Variants in ENKUR observed in about 807,000 individuals in gnomAD.
ENKUR encodes enkurin.
ENKUR carries 19 observed loss-of-function variants against 27.6 expected under a neutral mutation model. The observed-to-expected ratio is 0.69, with a 90% CI of 0.48 to 1.01. ENKUR has a LOEUF of 1.01. Ranked by LOEUF, ENKUR falls within the 50% of genes least tolerant of loss-of-function variation. The pLI is 0.00. For synonymous variants in ENKUR, 117 were observed against 96.9 expected (o/e 1.21, Z -1.22); for missense variants, 312 against 310.5 (o/e 1.00, Z -0.04).
In ENKUR at chr10:25,023,464, T is replaced by G. The variant is rs555284370; in HGVS notation, c.38-27595A>C. On this transcript the variant is annotated intron_variant, in intron 2 of 5. Coordinates refer to the ENKUR transcript ENST00000615958. ...CAGAATAATAGGTCAGAAACTAGGT[T>G]GTTGTGTCATAGATGTGGATGATGA... 1.5e-4 allele frequency: 237 copies of G among 1,614,136 alleles called. 2 individuals are homozygous for G. The Middle Eastern group carries it at 2.8e-3, about 19-fold the overall frequency.
At position 24,982,566 on chromosome 10, in the gene ENKUR, C is replaced by T. The variant is rs534611491; in HGVS notation, c.*1804G>A. 6.6e-6 allele frequency: 1 copy of T among 152,280 alleles called. No homozygotes were observed. The highest frequency in any genetic ancestry group is 2.4e-5 in the African/African-American group (1 of 41,556). 9.4% of individuals were successfully genotyped at this position (152,280 alleles called of 1,614,324 possible). On this transcript the variant is annotated 3_prime_UTR_variant, in exon 6 of 6. Transcript: ENST00000331161. ...ACTGCAGTCTCCATGTCTCTTAATT[C>T]ATGCTCTCAAGAGAGAGAGAATCTG...
At chr10:25,039,895 A>G (rs184445295) in intron 2 of ENKUR, among the ~76,000 whole-genome samples, 3 of 151,610 alleles carry the variant, frequency 2.0e-5, no homozygotes. Context: ...ACATGTATAC[A>G]TATGTAACAA....
chr10:25,041,886 T>G (rs962989022), intron 2 of ENKUR, among the ~76,000 whole-genome samples: 3 of 152,110 alleles, frequency 2.0e-5, no homozygotes, highest in Non-Finnish European at 4.4e-5. Flanking sequence ...CTATTTCAGA[T>G]TAAAGGAAAC....
At chr10:25,061,037 A>G in intron 2 of ENKUR, 1 of 1,393,318 alleles carries the variant, frequency 7.2e-7, no homozygotes, top group Non-Finnish European at 9.8e-7. Context: ...AGATGAGACA[A>G]GGATATCTCT....
chr10:24,999,582 T>G (rs1850143316), intron 1 of ENKUR, 36 bp from the exon 2 acceptor site: 2 of 1,539,004 alleles, frequency 1.3e-6, no homozygotes, highest in African/African-American at 1.4e-5. Flanking sequence ...GCATTTATAC[T>G]TCTAGTAAAA....
intron 2 of ENKUR, among the ~76,000 whole-genome samples, chr10:24,998,728 A>G (rs987997421): frequency 6.6e-5 from 10 of 152,028 alleles, no homozygotes; most frequent in Admixed American, 4.6e-4. Flanking sequence ...CTTTCCTGAA[A>G]TCATTCAAAA....
chr10:25,009,224 G>A (rs1363611015), intron 1 of ENKUR, among the ~76,000 whole-genome samples: 1 of 151,932 alleles, frequency 6.6e-6, no homozygotes, highest in Non-Finnish European at 1.5e-5. Flanking sequence ...CCTGCACATT[G>A]TGCATATGTA....
intron 2 of ENKUR, among the ~76,000 whole-genome samples, chr10:25,047,649 T>C (rs749680080): frequency 6.6e-6 from 1 of 152,196 alleles, no homozygotes; most frequent in Non-Finnish European, 1.5e-5. Flanking sequence ...TTCTAGAACA[T>C]TCTGGTTATA....
chr10:25,027,453 C>G (rs1850878619), intron 2 of ENKUR, among the ~76,000 whole-genome samples: 1 of 145,380 alleles, frequency 6.9e-6, no homozygotes, highest in Admixed American at 6.9e-5. Context: ...TGGAGAATCA[C>G]TTGAACCTGG....
Position 25,054,407 on chromosome 10 carries a change from A to C in ENKUR, c.37+6705T>G, listed in dbSNP as rs1038479246. Among the ~76,000 whole-genome samples the C allele has an allele frequency of 2.0e-5, 3 of 152,288 alleles. No individual in the cohort carries two copies. In the South Asian group the frequency reaches 6.2e-4, roughly 32 times the overall value. The stretch of plus-strand genomic sequence containing the variant: ...ATTGCATTACAGCTTGGGCAACAAG[A>C]GTGAAACTCCGTCTCAAATAAACAA... On this transcript the variant is annotated intron_variant, in intron 2 of 5. Coordinates refer to the ENKUR transcript ENST00000615958.
chr10:25,003,680 C>A (rs1331795162), intron 1 of ENKUR, among the ~76,000 whole-genome samples: 1 of 152,070 alleles, frequency 6.6e-6, no homozygotes, highest in Non-Finnish European at 1.5e-5. Flanking sequence ...ATAATTGGCT[C>A]TATTTTCTTT....
At chr10:25,050,472 A>G (rs112760439) in intron 2 of ENKUR, among the ~76,000 whole-genome samples, 19 of 152,252 alleles carry the variant, frequency 1.2e-4, no homozygotes, top group African/African-American at 3.9e-4. Context: ...GTGCAGGGGA[A>G]CTGCCCTTTA....
upstream of ENKUR, among the ~76,000 whole-genome samples, chr10:25,017,846 T>A (rs1452660590): frequency 3.9e-5 from 6 of 152,080 alleles, no homozygotes; most frequent in Admixed American, 6.6e-5. Context: ...AGAGAAAAAA[T>A]TTGGCGGGAA....
intron 2 of ENKUR, among the ~76,000 whole-genome samples, chr10:25,038,115 A>G (rs1410707037): frequency 6.6e-6 from 1 of 151,964 alleles, no homozygotes; most frequent in Non-Finnish European, 1.5e-5. Context: ...TCTAGGTACC[A>G]TTTTTCTTCA....
upstream of ENKUR, among the ~76,000 whole-genome samples, chr10:25,017,654 T>A (rs746786062): frequency 7.2e-5 from 11 of 151,844 alleles, no homozygotes; most frequent in Non-Finnish European, 1.0e-4. Context: ...TTGATTTTAA[T>A]TTTTGTCCCA....
Position 24,984,376 on chromosome 10 carries a change from GCTGC to G in ENKUR, c.765-4_765-1del. The G allele has an allele frequency of 6.5e-7, 1 of 1,536,222 alleles. No homozygotes were observed. The highest frequency in any genetic ancestry group is 2.0e-5 in the Admixed American group (1 of 49,036). On this transcript the variant is annotated splice_acceptor_variant and splice_polypyrimidine_tract_variant and intron_variant, in intron 5 of 5. Transcript: ENST00000331161. LOFTEE classifies it high-confidence loss of function. ...CAAAGTTGTGCTGTTGGTATCATGC[GCTGC>G]AGAAAAAAAAAAAAAAAAGTGAAGT...
chr10:25,001,860 T>C (rs1330172765), intron 1 of ENKUR, among the ~76,000 whole-genome samples: 1 of 152,214 alleles, frequency 6.6e-6, no homozygotes, highest in African/African-American at 2.4e-5. Flanking sequence ...TTTACTATGT[T>C]TTCTCTTGGT....
chr10:24,990,593 G>T lies in ENKUR; in HGVS notation c.464C>A (p.Pro155His). The change falls in exon 4 of 6, where the codon CCT becomes CAT. Residue 155 changes from proline (P) to histidine (H), a missense_variant. Transcript: ENST00000331161. Reference protein sequence around the residue: ...YINKKDYGVTPEYICKRNEEI... With the variant: ...YINKKDYGVTHEYICKRNEEI... The stretch of plus-strand genomic sequence containing the variant: ...CTCGTTTCGCTTACATATGTATTCA[G>T]GTGTGACACCATAATCCTAAAAAGA... The T allele has an allele frequency of 6.2e-7, 1 of 1,600,380 alleles. No individual in the cohort carries two copies. Among genetic ancestry groups the T allele is most frequent in the Non-Finnish European group, 8.5e-7 (1 of 1,176,816 alleles).
chr10:25,047,225 A>G (rs754772228), intron 2 of ENKUR, among the ~76,000 whole-genome samples: 5 of 152,164 alleles, frequency 3.3e-5, no homozygotes, highest in Admixed American at 6.5e-5. Flanking sequence ...TGATGAGGCT[A>G]TTACTGAATG....
Sources: allele counts gnomAD v4.1 joint callset (sites outside exome capture counted in the v4.1 genomes callset), GRCh38; gene constraint gnomAD v4.1.1; transcripts MANE v1.5; gene names NCBI Gene and HGNC (gene_info 2026-07-23, HGNC 2026-07-21).